The following JAK1 variants were observed in gnomAD, a reference collection of about 807,000 sequenced individuals.
JAK1 encodes the protein tyrosine-protein kinase JAK1.
In JAK1, 16 loss-of-function variants were observed where a neutral mutation model predicts 136.6. The observed-to-expected ratio is 0.12, with a 90% CI of 0.08 to 0.18. The LOEUF (loss-of-function observed/expected upper bound fraction) is 0.18. Ranked by LOEUF, JAK1 falls within the 10% of genes least tolerant of loss-of-function variation. The pLI is 1.00. For missense variants in JAK1, 859 were observed against 1,450.1 expected (o/e 0.59, Z 6.62); for synonymous variants, 492 against 519.5 (o/e 0.95, Z 0.72).
rs1239770540 is a variant in JAK1 at position 64,844,501 on chromosome 1, G to C, written c.2251+253C>G. On this transcript the variant is annotated intron_variant, in intron 16 of 24. Coordinates refer to ENST00000342505, the MANE Select transcript of JAK1 (RefSeq NM_002227.4). The surrounding 1 kb of genome is among the most constrained non-coding windows in gnomAD (Gnocchi z 5.7). ...GTGAAGCCAGGCTTCTGAAGCCCTGGCCTTAGGATCAGCAAAACATCCCAG... is the reference window on the plus strand; with the variant it reads ...GTGAAGCCAGGCTTCTGAAGCCCTGCCCTTAGGATCAGCAAAACATCCCAG... 6.6e-6 allele frequency among the ~76,000 whole-genome samples: 1 copy of C among 152,208 alleles called. No homozygotes were observed. The highest frequency in any genetic ancestry group is 1.5e-5 in the Non-Finnish European group (1 of 68,040).
intron 1 of JAK1, among the ~76,000 whole-genome samples, chr1:64,944,716 T>C (rs1645952640): frequency 6.6e-6 from 1 of 152,052 alleles, no homozygotes; most frequent in South Asian, 2.1e-4. Context: ...TTATGAAACA[T>C]TATGCAGTAT....
intron 17 of JAK1, among the ~76,000 whole-genome samples, chr1:64,842,896 C>T (rs1412732806): frequency 4.6e-5 from 7 of 152,286 alleles, no homozygotes; most frequent in African/African-American, 1.4e-4. Flanking sequence ...AAAGGTTCTA[C>T]CTCTTCAATA....
chr1:65,050,395 G>C (rs903623949), intron 1 of JAK1, among the ~76,000 whole-genome samples: 1 of 152,172 alleles, frequency 6.6e-6, no homozygotes, highest in Non-Finnish European at 1.5e-5. Flanking sequence ...TCAGTACTTA[G>C]CCAGAAACTG....
At chr1:64,903,683 C>T (rs1042275694) in intron 1 of JAK1, among the ~76,000 whole-genome samples, 51 of 152,288 alleles carry the variant, frequency 3.3e-4, no homozygotes, top group African/African-American at 1.0e-3. Flanking sequence ...ATAATACTAG[C>T]TCCAATCTCT....
At chr1:64,843,241 C>T (rs1050510846) in intron 17 of JAK1, among the ~76,000 whole-genome samples, 5 of 152,284 alleles carry the variant, frequency 3.3e-5, no homozygotes, top group South Asian at 2.1e-4. Context: ...CCCAGGCTCC[C>T]GACACAGCAC....
Position 65,052,956 on chromosome 1 carries a change from G to A in JAK1, c.-180-8374C>T, listed in dbSNP as rs189098974. ...TGAGGCAGGAGAATCGCTGGGACCC[G>A]GGAGGCACAGGTTGCAGTGAGCCAA... On this transcript the variant is annotated intron_variant, in intron 1 of 25. Transcript: ENST00000671954. Among the ~76,000 whole-genome samples the A allele has an allele frequency of 9.8e-3, 1,474 of 149,868 alleles. 49 individuals carry two copies. Among genetic ancestry groups the A allele is most frequent in the Admixed American group, 0.06 (902 of 14,960 alleles).
intron 1 of JAK1, among the ~76,000 whole-genome samples, chr1:64,937,526 T>C (rs1428361897): frequency 3.9e-5 from 6 of 152,244 alleles, no homozygotes; most frequent in Non-Finnish European, 8.8e-5. Flanking sequence ...AGCGTATCAC[T>C]GTTAAACTTC....
chr1:64,896,615 C>A (rs900040735), intron 1 of JAK1, among the ~76,000 whole-genome samples: 2 of 152,154 alleles, frequency 1.3e-5, no homozygotes, highest in African/African-American at 2.4e-5. Flanking sequence ...GTAAAGCCTG[C>A]GATGCACAGC....
intron 1 of JAK1, among the ~76,000 whole-genome samples, chr1:64,962,849 C>G (rs7550068): frequency 0.65 from 98,346 of 152,068 alleles, 34,807 homozygotes; most frequent in Middle Eastern, 0.88. Flanking sequence ...AGGCGGATCA[C>G]TTGAGATCAG....
At chr1:64,881,770 T>C (rs190920092) in intron 3 of JAK1, among the ~76,000 whole-genome samples, 5 of 152,290 alleles carry the variant, frequency 3.3e-5, no homozygotes, top group African/African-American at 9.6e-5. Context: ...TCTCATCTCT[T>C]TCCCAGCAGC....
chr1:65,001,166 C>G (rs954977464), intron 2 of JAK1, among the ~76,000 whole-genome samples: 20 of 152,294 alleles, frequency 1.3e-4, no homozygotes, highest in African/African-American at 4.6e-4. Context: ...TTTCCAAGAT[C>G]TCATCATGTT....
intron 17 of JAK1, among the ~76,000 whole-genome samples, chr1:64,842,721 G>C (rs1178592854): frequency 2.0e-5 from 3 of 151,990 alleles, no homozygotes; most frequent in East Asian, 1.9e-4. Context: ...GATGACAAAG[G>C]GTATGTTGTT....
chr1:65,003,985 A>G (rs1264422334), intron 2 of JAK1: 3 of 152,226 alleles, frequency 2.0e-5, no homozygotes, highest in Non-Finnish European at 2.9e-5. Flanking sequence ...TCTGTCGCCC[A>G]GGCTGGAGTG....
At chr1:65,024,662 A>C (rs1290936370) in intron 2 of JAK1, among the ~76,000 whole-genome samples, 2 of 100,234 alleles carry the variant, frequency 2.0e-5, no homozygotes, top group Non-Finnish European at 3.6e-5. Context: ...GTCCAAAGCA[A>C]AAAAAAAAAA....
chr1:64,875,633 C>T (rs1210891076), intron 4 of JAK1, among the ~76,000 whole-genome samples: 2 of 152,182 alleles, frequency 1.3e-5, no homozygotes, highest in Non-Finnish European at 2.9e-5. Flanking sequence ...CTATACAGCC[C>T]ATCTTCCTTG....
intron 14 of JAK1, among the ~76,000 whole-genome samples, chr1:64,846,191 AG>A: frequency 6.6e-6 from 1 of 152,146 alleles, no homozygotes; most frequent in Non-Finnish European, 1.5e-5. Context: ...CTCAGTGTGC[AG>A]CAGCAGCCCA....
chr1:64,875,469 A>T (rs1481843103), intron 4 of JAK1, among the ~76,000 whole-genome samples: 1 of 152,224 alleles, frequency 6.6e-6, no homozygotes, highest in Non-Finnish European at 1.5e-5. Context: ...CTCACCACTG[A>T]ATCCCAGTGC....
chr1:65,012,476 A>G (rs1438108889), intron 2 of JAK1, among the ~76,000 whole-genome samples: 1 of 152,186 alleles, frequency 6.6e-6, no homozygotes, highest in Non-Finnish European at 1.5e-5. Context: ...ATTATTAGAA[A>G]TAAGATTAGA....
intron 1 of JAK1, among the ~76,000 whole-genome samples, chr1:65,054,488 TAGG>T (rs1485815844): frequency 2.0e-5 from 3 of 151,788 alleles, no homozygotes; most frequent in African/African-American, 7.3e-5. Flanking sequence ...CACTAAACAT[TAGG>T]AGTATTTTAA....
Sources: gnomAD v4.1 joint callset for allele counts (sites outside exome capture counted in the v4.1 genomes callset) on GRCh38, gnomAD v4.1.1 for gene constraint, Gnocchi (gnomAD v3.1) non-coding constraint, MANE v1.5 for transcripts, NCBI Gene and HGNC (gene_info 2026-07-23, HGNC 2026-07-21) for gene names.